TNR: variants seen among roughly 807,000 people sequenced by gnomAD.
The protein encoded by TNR is tenascin R.
In TNR, 45 loss-of-function variants were observed where a neutral mutation model predicts 150.4. That is an observed-to-expected ratio of 0.30 (90% confidence interval 0.24 to 0.38). TNR has a LOEUF of 0.38. Ranked by LOEUF, TNR falls within the 10% of genes least tolerant of loss-of-function variation. The pLI is 1.00. For missense variants in TNR, 1,544 were observed against 1,759.1 expected, an observed-to-expected ratio of 0.88 and a Z score of 2.19; for synonymous variants, 687 against 678.4, an observed-to-expected ratio of 1.01 and a Z score of -0.20.
intron 1 of TNR, among the ~76,000 whole-genome samples, chr1:175,625,228 T>A (rs759300265): frequency 1.3e-5 from 2 of 152,232 alleles, no homozygotes; most frequent in Non-Finnish European, 1.5e-5. Flanking sequence ...AACCCTCAAC[T>A]GTGAAAAACA....
chr1:175,685,426 G>C (rs1392406464), intron 1 of TNR, among the ~76,000 whole-genome samples: 1 of 152,104 alleles, frequency 6.6e-6, no homozygotes, highest in African/African-American at 2.4e-5. Flanking sequence ...CACTCTCCCA[G>C]CAATCTCTGG....
intron 1 of TNR, among the ~76,000 whole-genome samples, chr1:175,602,390 T>C (rs1233067379): frequency 6.6e-6 from 1 of 152,070 alleles, no homozygotes; most frequent in African/African-American, 2.4e-5. Flanking sequence ...TAAAAAAATG[T>C]GTATATCTAA....
Position 175,321,111 on chromosome 1 carries a change from C to T in TNR, c.*2246G>A, listed in dbSNP as rs1649016636. Reference sequence around the variant, plus strand: ...TGTGCTTCCTACTATTCATTGTTGCCCCGTCTCTAGGTAAGTCTTCTGTAA... The same window carrying T: ...TGTGCTTCCTACTATTCATTGTTGCTCCGTCTCTAGGTAAGTCTTCTGTAA... On this transcript the variant is annotated 3_prime_UTR_variant, in exon 23 of 23. Transcript: ENST00000367674. 1 of 152,154 alleles carries T rather than the reference C, an allele frequency of 6.6e-6. No individual in the cohort carries two copies. The highest frequency in any genetic ancestry group is 1.5e-5 in the Non-Finnish European group (1 of 68,042). The allele number at this position is 152,154 out of a possible 1,614,324, so 9.4% of individuals were successfully genotyped here. A position where few individuals can be genotyped will look rare whatever the true frequency, so the allele number is the denominator to read the frequency against.
intron 1 of TNR, among the ~76,000 whole-genome samples, chr1:175,669,040 C>A (rs1665613186): frequency 6.6e-6 from 1 of 152,178 alleles, no homozygotes. Flanking sequence ...TAGGAGCTTG[C>A]CCAGCTGCTT....
chr1:175,418,065 T>A (rs1654581554), intron 2 of TNR, among the ~76,000 whole-genome samples: 1 of 152,154 alleles, frequency 6.6e-6, no homozygotes, highest in Admixed American at 6.5e-5. Flanking sequence ...ACATAATTAT[T>A]TTCTACCTGA....
At chr1:175,468,300 C>T (rs1657122490) in intron 2 of TNR, among the ~76,000 whole-genome samples, 2 of 152,156 alleles carry the variant, frequency 1.3e-5, no homozygotes, top group African/African-American at 4.8e-5. Flanking sequence ...TTTCCTCAAT[C>T]ATATATGGAT....
intron 2 of TNR, among the ~76,000 whole-genome samples, chr1:175,507,150 C>T (rs1476585071): frequency 6.6e-6 from 1 of 152,170 alleles, no homozygotes; most frequent in Admixed American, 6.5e-5. Flanking sequence ...CCTGAGCCTC[C>T]ACCTCCCTCT....
intron 2 of TNR, among the ~76,000 whole-genome samples, chr1:175,435,346 A>T (rs963008176): frequency 8.5e-5 from 13 of 152,224 alleles, no homozygotes; most frequent in African/African-American, 3.1e-4. Flanking sequence ...GAGAGAAAGA[A>T]GGAAGTAAAA....
At chr1:175,495,225 CTAAT>C (rs1310378823) in intron 2 of TNR, among the ~76,000 whole-genome samples, 1 of 152,160 alleles carries the variant, frequency 6.6e-6, no homozygotes, top group Admixed American at 6.5e-5. Flanking sequence ...ATGCACAGGG[CTAAT>C]TACTCAGTGC....
At chr1:175,594,239 A>AT (rs113397882) in intron 1 of TNR, among the ~76,000 whole-genome samples, 24 of 149,382 alleles carry the variant, frequency 1.6e-4, no homozygotes, top group Non-Finnish European at 2.2e-4. Context: ...GCCTCTGAGC[A>AT]TTTTTTTTTT....
At chr1:175,582,972 GC>G (rs1226645612) in intron 1 of TNR, among the ~76,000 whole-genome samples, 1 of 151,526 alleles carries the variant, frequency 6.6e-6, no homozygotes, top group South Asian at 2.1e-4. Context: ...ATGCAAAAAA[GC>G]CCCCCCAACC....
At chr1:175,573,997 C>T (rs1321251221) in intron 1 of TNR, among the ~76,000 whole-genome samples, 1 of 152,168 alleles carries the variant, frequency 6.6e-6, no homozygotes, top group African/African-American at 2.4e-5. Context: ...GGGGGCCCTT[C>T]CTTGGATATG....
intron 18 of TNR, among the ~76,000 whole-genome samples, chr1:175,338,546 T>C (rs530802850): frequency 2.0e-5 from 3 of 152,292 alleles, no homozygotes; most frequent in African/African-American, 7.2e-5. Context: ...AAGGGTGGTT[T>C]GGGTGCTCTG....
chr1:175,422,112 A>G (rs1256679270), intron 2 of TNR, among the ~76,000 whole-genome samples: 1 of 152,252 alleles, frequency 6.6e-6, no homozygotes, highest in African/African-American at 2.4e-5. Flanking sequence ...ACCAGGATTC[A>G]AAGTTAAGCA....
At position 175,320,196 on chromosome 1, in the gene TNR, A is replaced by G. The variant is rs896535651; in HGVS notation, c.*3161T>C. ...TGCATAGGGTGGGTGCTTTGAGAGTATTGCTTACTGGATCTACCTTTGGGA... is the reference window on the plus strand; with the variant it reads ...TGCATAGGGTGGGTGCTTTGAGAGTGTTGCTTACTGGATCTACCTTTGGGA... On this transcript the variant is annotated 3_prime_UTR_variant, in exon 23 of 23. Transcript: ENST00000367674. The G allele has an allele frequency of 1.3e-5, 2 of 152,202 alleles. No homozygotes were observed. The highest frequency in any genetic ancestry group is 2.4e-5 in the African/African-American group (1 of 41,406). 9.4% of individuals were successfully genotyped at this position (152,202 alleles called of 1,614,324 possible). A position where few individuals can be genotyped will look rare whatever the true frequency, so the allele number is the denominator to read the frequency against.
rs1454842170 is a variant in TNR, at chr1:175,717,663, G to T, written c.-165+25563C>A. Among the ~76,000 whole-genome samples the T allele has an allele frequency of 2.0e-5, 3 of 152,128 alleles. No homozygotes were observed. In the East Asian group the frequency reaches 5.8e-4, roughly 29 times the overall value. ...TAAGGTGTGGGACCTGAGGTCATGG[G>T]CCCAGTGCTTCCTACAGTGGAGTCA... On this transcript the variant is annotated intron_variant, in intron 1 of 22. Transcript: ENST00000367674.
chr1:175,646,807 T>C (rs1427594173), intron 1 of TNR, among the ~76,000 whole-genome samples: 1 of 152,258 alleles, frequency 6.6e-6, no homozygotes, highest in Admixed American at 6.5e-5. Flanking sequence ...TACTGTCTTC[T>C]GCCAGGTCCA....
chr1:175,440,869 G>T (rs952406519), intron 2 of TNR, among the ~76,000 whole-genome samples: 1 of 152,130 alleles, frequency 6.6e-6, no homozygotes, highest in African/African-American at 2.4e-5. Context: ...GATATTTGGT[G>T]GACTGGTGTC....
At chr1:175,474,481 G>A (rs1360790857) in intron 2 of TNR, among the ~76,000 whole-genome samples, 1 of 152,212 alleles carries the variant, frequency 6.6e-6, no homozygotes, top group Non-Finnish European at 1.5e-5. Flanking sequence ...CTCCAGAACA[G>A]GGAGAAAAGA....
Sources: gnomAD v4.1 joint callset for allele counts (sites outside exome capture counted in the v4.1 genomes callset) on GRCh38, gnomAD v4.1.1 for gene constraint, MANE v1.5 for transcripts, NCBI Gene and HGNC (gene_info 2026-07-23, HGNC 2026-07-21) for gene names.